Variants in PSORS1C2 observed in about 807,000 individuals in gnomAD.
PSORS1C2 encodes psoriasis susceptibility 1 candidate 2.
Under a neutral mutation model 12.2 loss-of-function variants are expected in PSORS1C2, and 13 were observed. The ratio of observed to expected loss-of-function variants is 1.07; its 90% confidence interval spans 0.70 to 1.70. The LOEUF (loss-of-function observed/expected upper bound fraction) is 1.70, where lower values mean the gene tolerates loss of function less well. Among genes scored for constraint, PSORS1C2 ranks in the 40% most tolerant of loss-of-function variants. The pLI, the probability that PSORS1C2 is intolerant of heterozygous loss-of-function variation, is 0.00. For synonymous variants in PSORS1C2, 76 were observed against 69.2 expected, an observed-to-expected ratio of 1.10 and a Z score of -0.49; for missense variants, 186 against 173.4, an observed-to-expected ratio of 1.07 and a Z score of -0.41.
intron 1 of PSORS1C2, chr6:31,138,543 T>A: frequency 6.2e-7 from 1 of 1,607,436 alleles, no homozygotes; most frequent in Non-Finnish European, 8.5e-7. Flanking sequence ...TGACCCACTT[T>A]AAACTGACCA....
In PSORS1C2 at chr6:31,138,616, C is replaced by T. The variant is rs557086882; in HGVS notation, c.56-310G>A. 21 of 1,612,654 alleles carry T rather than the reference C, an allele frequency of 1.3e-5. No homozygotes were observed. In the Admixed American group the frequency reaches 2.7e-4, roughly 20 times the overall value. ...GTACCCCACTAGCTTTGTCCTCAGG[C>T]CAACCTGCAACCCAAAGTGGGTTAC... On this transcript the variant is annotated intron_variant, in intron 1 of 1. Transcript: ENST00000259845.
At chr6:31,138,594 C>T in intron 1 of PSORS1C2, 5 of 1,611,250 alleles carry the variant, frequency 3.1e-6, no homozygotes, top group Non-Finnish European at 4.2e-6. Flanking sequence ...GGTTGGGGTA[C>T]CCCACTAGCT....
chr6:31,138,187 G>A lies in PSORS1C2; in HGVS notation c.175C>T (p.Pro59Ser), dbSNP rs764208479. ...VPGDPWPGAP[P>S]LFEDPPPTRP... ...GTAGGCGGAGGATCTTCAAAGAGAG[G>A]GGGTGCCCCTGGCCAAGGGTCACCG... The change falls in exon 2 of 2, where the codon CCT becomes TCT. Residue 59 changes from proline (P) to serine (S), a missense_variant. Physicochemically the swap from Pro to Ser is moderately conservative, Grantham distance 74 (BLOSUM62 -1). Transcript: ENST00000259845. The A allele has an allele frequency of 1.9e-6, 3 of 1,579,236 alleles. No homozygotes were observed. Among genetic ancestry groups the A allele is most frequent in the Non-Finnish European group, 2.6e-6 (3 of 1,165,580 alleles).
At chr6:31,138,639 T>C in intron 1 of PSORS1C2, 1 of 1,613,004 alleles carries the variant, frequency 6.2e-7, no homozygotes, top group South Asian at 1.1e-5. Flanking sequence ...CAAAGTGGGT[T>C]ACACCTTGGC....
chr6:31,138,824 T>C, intron 1 of PSORS1C2, 148 bp downstream of exon 1: 5 of 1,613,230 alleles, frequency 3.1e-6, no homozygotes, highest in Non-Finnish European at 4.2e-6. Context: ...CCACCCAATG[T>C]GTCCAGAAAG....
intron 1 of PSORS1C2, 64 bp downstream of exon 1, chr6:31,138,908 C>A: frequency 6.2e-7 from 1 of 1,600,792 alleles, no homozygotes; most frequent in Non-Finnish European, 8.6e-7. Context: ...TCCAGTTCAC[C>A]TCCGCCATCT....
intron 1 of PSORS1C2, chr6:31,138,714 G>A: frequency 1.2e-6 from 2 of 1,602,814 alleles, no homozygotes; most frequent in Non-Finnish European, 1.7e-6. Flanking sequence ...CCAGCTCCGA[G>A]GAAACTCGTC....
chr6:31,138,419 C>G, intron 1 of PSORS1C2, 113 bp from the exon 2 acceptor site: 1 of 1,611,280 alleles, frequency 6.2e-7, no homozygotes, highest in Non-Finnish European at 8.5e-7. Flanking sequence ...CCTGAACTGA[C>G]CCACAAACAG....
In PSORS1C2 at chr6:31,137,600, C is replaced by A. The variant is rs1773206304; in HGVS notation, c.*351G>T. On this transcript the variant is annotated 3_prime_UTR_variant, in exon 2 of 2. Coordinates refer to ENST00000259845, the MANE Select transcript of PSORS1C2 (RefSeq NM_014069.3). ...GCAGCTGTCTACTGATAGTTCCTGC[C>A]GCCGGCCACCAGGTGGCAGAAGGGA... is the stretch of plus-strand genomic sequence containing the variant. The A allele has an allele frequency of 3.2e-6, 1 of 313,604 alleles. No homozygotes were observed. The highest frequency in any genetic ancestry group is 5.8e-6 in the Non-Finnish European group (1 of 172,634). 19.4% of individuals were successfully genotyped at this position (313,604 alleles called of 1,614,324 possible).
intron 1 of PSORS1C2, 158 bp from the exon 2 acceptor site, chr6:31,138,464 G>A: frequency 1.2e-6 from 2 of 1,612,850 alleles, no homozygotes; most frequent in Non-Finnish European, 1.7e-6. Context: ...CTCTCGGTAG[G>A]TTTGTAAATA....
At chr6:31,138,531 C>T (rs1353150326) in intron 1 of PSORS1C2, 3 of 1,605,454 alleles carry the variant, frequency 1.9e-6, no homozygotes, top group Non-Finnish European at 2.6e-6. Flanking sequence ...GAACCGTTCA[C>T]TTGACCCACT....
At position 31,137,998 on chromosome 6, in the gene PSORS1C2, G is replaced by A. The variant is rs1230756461; in HGVS notation, c.364C>T (p.Pro122Ser). 6.6e-7 allele frequency: 1 copy of A among 1,516,034 alleles called. No homozygotes were observed. Among genetic ancestry groups the A allele is most frequent in the Non-Finnish European group, 8.8e-7 (1 of 1,134,352 alleles). 93.9% of individuals were successfully genotyped at this position (1,516,034 alleles called of 1,614,324 possible). A position where few individuals can be genotyped will look rare whatever the true frequency, so the allele number is the denominator to read the frequency against. ...WPPAPEVDNR[P>S]QEEPDLDPPR... ...GGGTCTAGGTCTGGCTCCTCCTGAG[G>A]TCGGTTGTCCACCTCAGGGGCAGGA... is the stretch of plus-strand genomic sequence containing the variant. The change falls in exon 2 of 2, where the codon CCT becomes TCT. Residue 122 changes from proline (P) to serine (S), a missense_variant. Transcript: ENST00000259845.
At chr6:31,138,674 T>C in intron 1 of PSORS1C2, 1 of 1,613,246 alleles carries the variant, frequency 6.2e-7, no homozygotes, top group Non-Finnish European at 8.5e-7. Context: ...ACCCCAGCTT[T>C]ACAAGGACCC....
chr6:31,138,357 A>ACCCCC, intron 1 of PSORS1C2, 51 bp from the exon 2 acceptor site: 1 of 1,525,890 alleles, frequency 6.6e-7, no homozygotes, highest in Non-Finnish European at 9.1e-7. Context: ...TTCTCTCCCC[A>ACCCCC]GCCCCACCCA....
Position 31,138,318 on chromosome 6 carries a change from G to A in PSORS1C2, c.56-12C>T. ...GCTGCCTGAGATGCCTGTAAAGGAG[G>A]AAGGAGAAAGGTAAGAGGTGGTGAG... On this transcript the variant is annotated splice_polypyrimidine_tract_variant and intron_variant, in intron 1 of 1. Transcript: ENST00000259845. The A allele has an allele frequency of 6.2e-7, 1 of 1,605,600 alleles. No individual in the cohort carries two copies.
At chr6:31,138,636 G>T in intron 1 of PSORS1C2, 1 of 1,612,950 alleles carries the variant, frequency 6.2e-7, no homozygotes, top group Non-Finnish European at 8.5e-7. Flanking sequence ...ACCCAAAGTG[G>T]GTTACACCTT....
chr6:31,138,110 A>G lies in PSORS1C2; in HGVS notation c.252T>C (p.Pro84=), dbSNP rs541992304. The change falls in exon 2 of 2, where the codon CCT becomes CCC. Residue 84 remains proline (P), a synonymous_variant. Transcript: ENST00000259845. ...RDLPETGVWL[P]EPPRTDPPQP... is the part of the protein sequence containing the mutation. ...GAGGAGGATCCGTTCTAGGCGGTTCAGGGAGCCAGACTCCAGTTTCAGGCA... is the reference window on the plus strand; with the variant it reads ...GAGGAGGATCCGTTCTAGGCGGTTCGGGGAGCCAGACTCCAGTTTCAGGCA... The G allele has an allele frequency of 4.4e-6, 7 of 1,603,398 alleles. No individual in the cohort carries two copies. The highest frequency in any genetic ancestry group is 6.0e-6 in the Non-Finnish European group (7 of 1,175,936).
In PSORS1C2 at chr6:31,138,222, G is replaced by GA. The variant is rs1178608054; in HGVS notation, c.139_140insT (p.Pro47LeufsTer6). The GA allele has an allele frequency of 1.3e-6, 2 of 1,566,912 alleles. No homozygotes were observed. The highest frequency in any genetic ancestry group is 1.7e-6 in the Non-Finnish European group (2 of 1,158,806). On this transcript the variant is annotated frameshift_variant, in exon 2 of 2. Coordinates refer to ENST00000259845, the MANE Select transcript of PSORS1C2 (RefSeq NM_014069.3). LOFTEE classifies it high-confidence loss of function. Reference sequence around the variant, plus strand: ...TGGCCAAGGGTCACCGGGGACTGGGGGGCCCTGAGGCAATGTTGGGGAGCC... The same window carrying GA: ...TGGCCAAGGGTCACCGGGGACTGGGGAGGCCCTGAGGCAATGTTGGGGAGCC...
Position 31,138,211 on chromosome 6 carries a change from C to G in PSORS1C2, c.151G>C (p.Gly51Arg). 6.4e-7 allele frequency: 1 copy of G among 1,570,338 alleles called. No homozygotes were observed. Among genetic ancestry groups the G allele is most frequent in the Non-Finnish European group, 8.6e-7 (1 of 1,160,464 alleles). Residue 51 changes from glycine (G) to arginine (R), a missense_variant, in exon 2 of 2, where the codon GGT becomes CGT. Gly to Arg is a moderately radical substitution (Grantham distance 125, BLOSUM62 -2). Coordinates refer to ENST00000259845, the MANE Select transcript of PSORS1C2 (RefSeq NM_014069.3). ...PTLPQGPPVP[G>R]DPWPGAPPLF... ...GGGGGTGCCCCTGGCCAAGGGTCAC[C>G]GGGGACTGGGGGGCCCTGAGGCAAT...
Sources: gnomAD v4.1 joint callset for allele counts on GRCh38, gnomAD v4.1.1 for gene constraint, MANE v1.5 for transcripts, NCBI Gene and HGNC (gene_info 2026-07-23, HGNC 2026-07-21) for gene names.